The following SEL1L2 variants were observed in gnomAD, a reference collection of about 807,000 sequenced individuals.
The protein encoded by SEL1L2 is protein sel-1 homolog 2.
Under a neutral mutation model 98.8 loss-of-function variants are expected in SEL1L2, and 89 were observed. The observed-to-expected ratio is 0.90, with a 90% CI of 0.76 to 1.07. The LOEUF is 1.07. Among genes scored for constraint, SEL1L2 ranks in the 50% least tolerant of loss-of-function variants. The pLI is 0.00. For synonymous variants in SEL1L2, 262 were observed against 278.5 expected (o/e 0.94, Z 0.59); for missense variants, 788 against 812.0 (o/e 0.97, Z 0.36).
At chr20:13,959,617 G>C (rs542452190) in intron 1 of SEL1L2, among the ~76,000 whole-genome samples, 1 of 152,164 alleles carries the variant, frequency 6.6e-6, no homozygotes, top group Non-Finnish European at 1.5e-5. Flanking sequence ...GTCGCCAACC[G>C]ACTACCACTT....
chr20:13,912,102 G>A (rs765864982), intron 5 of SEL1L2, among the ~76,000 whole-genome samples: 1 of 151,912 alleles, frequency 6.6e-6, no homozygotes, highest in Non-Finnish European at 1.5e-5. Context: ...AGAAGGATGC[G>A]GTACCCAATG....
At chr20:13,897,354 T>A (rs1171833077) in intron 5 of SEL1L2, among the ~76,000 whole-genome samples, 1 of 152,176 alleles carries the variant, frequency 6.6e-6, no homozygotes, top group Non-Finnish European at 1.5e-5. Flanking sequence ...TGGCAGTGAT[T>A]TCTTGGATAT....
chr20:13,952,173 T>C (rs886533179), intron 2 of SEL1L2, among the ~76,000 whole-genome samples: 2 of 152,178 alleles, frequency 1.3e-5, no homozygotes, highest in African/African-American at 4.8e-5. Context: ...ACCTCAGCAT[T>C]TGGCTTCTGA....
chr20:13,914,284 T>G (rs2048316281), intron 4 of SEL1L2, among the ~76,000 whole-genome samples: 1 of 152,206 alleles, frequency 6.6e-6, no homozygotes, highest in Non-Finnish European at 1.5e-5. Flanking sequence ...GAACTTTTTC[T>G]AAAATACTGA....
intron 1 of SEL1L2, among the ~76,000 whole-genome samples, chr20:13,972,602 C>T (rs1948935568): frequency 6.6e-6 from 1 of 152,126 alleles, no homozygotes; most frequent in African/African-American, 2.4e-5. Flanking sequence ...TTTTCTGAAT[C>T]CATTCATGTA....
intron 18 of SEL1L2, among the ~76,000 whole-genome samples, chr20:13,857,427 A>G (rs1014723409): frequency 1.3e-5 from 2 of 152,256 alleles, no homozygotes; most frequent in Admixed American, 6.5e-5. Context: ...GAAACAGATC[A>G]GTGGTGACTC....
chr20:13,867,591 C>T (rs2045985092), intron 14 of SEL1L2, among the ~76,000 whole-genome samples: 1 of 152,144 alleles, frequency 6.6e-6, no homozygotes, highest in Admixed American at 6.5e-5. Flanking sequence ...ACTGTGTGAT[C>T]CTGGGCAAGA....
rs759992189 is a variant in SEL1L2, at chr20:13,876,097, C to G, written c.1045G>C (p.Ala349Pro). The change falls in exon 12 of 20, where the codon GCT (alanine) becomes CCT (proline). Residue 349 changes from alanine to proline, a missense_variant. Ala to Pro is a conservative substitution (Grantham distance 27). Transcript: ENST00000284951. ...FIGKMYLEGN[A>P]AVPQNNATAF... The stretch of plus-strand genomic sequence containing the variant: ...GTAGCGTTATTTTGCGGCACGGCAG[C>G]ATTCCCCTCTAAATACATCTAGGAA... The G allele has an allele frequency of 3.7e-6, 6 of 1,613,566 alleles. No individual in the cohort carries two copies. In the African/African-American group the frequency reaches 8.0e-5, roughly 22 times the overall value.
chr20:13,874,191 A>G (rs551192469), intron 12 of SEL1L2, among the ~76,000 whole-genome samples: 1 of 152,240 alleles, frequency 6.6e-6, no homozygotes, highest in East Asian at 1.9e-4. Context: ...CGTCACATAC[A>G]GTCACTGTGC....
At chr20:13,940,122 G>A (rs186386231) in intron 2 of SEL1L2, among the ~76,000 whole-genome samples, 11 of 152,272 alleles carry the variant, frequency 7.2e-5, no homozygotes, top group Admixed American at 7.2e-4. Flanking sequence ...AAGAAATACA[G>A]CAACCAGTAA....
intron 2 of SEL1L2, among the ~76,000 whole-genome samples, chr20:13,942,540 G>A (rs1236184035): frequency 1.3e-5 from 2 of 152,124 alleles, no homozygotes; most frequent in African/African-American, 2.4e-5. Context: ...TGATTATGAT[G>A]CATCCTTAAG....
chr20:13,915,107 A>G, intron 4 of SEL1L2: 2 of 1,288,102 alleles, frequency 1.6e-6, no homozygotes, highest in Non-Finnish European at 2.0e-6. Flanking sequence ...ATTTAGGAGG[A>G]TCAGGAGACT....
chr20:13,862,647 T>C (rs4814268), intron 17 of SEL1L2, among the ~76,000 whole-genome samples: 49,391 of 151,832 alleles, frequency 0.33, 8,360 homozygotes, highest in Middle Eastern at 0.53. Flanking sequence ...TAAGTCTCTC[T>C]GAGTACAGCT....
At position 13,869,567 on chromosome 20, in the gene SEL1L2, GTA is replaced by G; in HGVS notation, c.1189_1190del (p.Tyr397LeufsTer31). On this transcript the variant is annotated frameshift_variant, in exon 14 of 20. Coordinates refer to ENST00000284951, the MANE Select transcript of SEL1L2 (RefSeq NM_025229.2). LOFTEE classifies it high-confidence loss of function. ...ACCCTTTTTCCGCAGCTTTCTGAAA[GTA>G]TTTAAGTGCTTCGGCATAATTCTGC... The part of the protein sequence containing the change: ...VPLNYAEALK[Y>X]FQKAAEKGWP... 1 of 1,614,090 alleles carries G rather than the reference GTA, an allele frequency of 6.2e-7. No individual in the cohort carries two copies.
intron 18 of SEL1L2, among the ~76,000 whole-genome samples, chr20:13,853,921 T>C (rs1413379264): frequency 6.6e-6 from 1 of 152,226 alleles, no homozygotes; most frequent in African/African-American, 2.4e-5. Flanking sequence ...CACAAAATAC[T>C]GTTTGTGCAT....
intron 2 of SEL1L2, among the ~76,000 whole-genome samples, chr20:13,949,232 T>C (rs563122634): frequency 2.0e-5 from 3 of 152,246 alleles, no homozygotes; most frequent in South Asian, 2.1e-4. Context: ...ATGAATTGAA[T>C]AGACATTTTT....
Position 13,866,770 on chromosome 20 carries a change from T to C in SEL1L2, c.1336A>G (p.Ile446Val), listed in dbSNP as rs566274100. Reference protein sequence around the residue: ...LASQSGQPLAIYYLAKMYATG... With the variant: ...LASQSGQPLAVYYLAKMYATG... ...GCATACATCTTGGCCAGATAATAAATGGCAAGGGGCTGCCCACTCTGAGAT... is the reference window on the plus strand; with the variant it reads ...GCATACATCTTGGCCAGATAATAAACGGCAAGGGGCTGCCCACTCTGAGAT... The change falls in exon 15 of 20, where the codon ATT becomes GTT. Residue 446 changes from isoleucine (I) to valine (V), a missense_variant. Physicochemically the swap from Ile to Val is conservative, Grantham distance 29 (BLOSUM62 3). Transcript: ENST00000284951. The C allele has an allele frequency of 3.1e-6, 5 of 1,612,904 alleles. No individual in the cohort carries two copies. In the South Asian group the frequency reaches 3.3e-5, roughly 11 times the overall value.
intron 5 of SEL1L2, among the ~76,000 whole-genome samples, chr20:13,892,501 A>T (rs894483456): frequency 1.9e-4 from 29 of 152,142 alleles, no homozygotes; most frequent in African/African-American, 6.5e-4. Context: ...GTAATCACAA[A>T]GAAAATGTGC....
intron 12 of SEL1L2, among the ~76,000 whole-genome samples, chr20:13,870,986 C>A (rs983208877): frequency 6.7e-6 from 1 of 149,230 alleles, no homozygotes; most frequent in South Asian, 2.1e-4. Context: ...AAGAGGGACA[C>A]TCTATTGCCT....
Sources: allele counts gnomAD v4.1 joint callset (sites outside exome capture counted in the v4.1 genomes callset), GRCh38; gene constraint gnomAD v4.1.1; transcripts MANE v1.5; gene names NCBI Gene and HGNC (gene_info 2026-07-23, HGNC 2026-07-21).